Variants in HDAC2 observed in about 807,000 individuals in gnomAD.
The protein encoded by HDAC2 is YY1-associated factor 1.
Under a neutral mutation model 68.5 loss-of-function variants are expected in HDAC2, and 5 were observed. That is an observed-to-expected ratio of 0.07 (90% CI 0.04 to 0.15). The LOEUF (loss-of-function observed/expected upper bound fraction) is 0.15, where lower values mean the gene tolerates loss of function less well. Among genes scored for constraint, HDAC2 ranks in the 10% least tolerant of loss-of-function variants. HDAC2 has a pLI of 1.00. For missense variants in HDAC2, 291 were observed against 600.8 expected (o/e 0.48, Z 5.39); for synonymous variants, 182 against 191.3 (o/e 0.95, Z 0.40).
At chr6:113,953,704 A>C (rs750898393) in intron 5 of HDAC2, among the ~76,000 whole-genome samples, 48 of 152,342 alleles carry the variant, frequency 3.2e-4, no homozygotes, top group Non-Finnish European at 6.0e-4. Context: ...TATATTAAAA[A>C]CTGAAGATTA....
In HDAC2 at chr6:113,939,493, T is replaced by C. The variant is rs924053574; in HGVS notation, c.*1565A>G. On this transcript the variant is annotated 3_prime_UTR_variant, in exon 14 of 14. Coordinates refer to ENST00000519065, the MANE Select transcript of HDAC2 (RefSeq NM_001527.4). The stretch of plus-strand genomic sequence containing the variant: ...AAAGTTACAGAATTGTCCAAATACA[T>C]ACCATCTATGTTTCACAAACACTAA... 3.9e-5 allele frequency: 6 copies of C among 152,200 alleles called. No individual in the cohort carries two copies. Among genetic ancestry groups the C allele is most frequent in the African/African-American group, 1.4e-4 (6 of 41,458 alleles). 9.4% of individuals were successfully genotyped at this position (152,200 alleles called of 1,614,324 possible).
intron 5 of HDAC2, among the ~76,000 whole-genome samples, chr6:113,954,632 T>C (rs1462925726): frequency 6.6e-6 from 1 of 152,188 alleles, no homozygotes; most frequent in East Asian, 1.9e-4. Context: ...ACAAGGCAAA[T>C]GATTGCAAAT....
At chr6:113,944,179 G>A in intron 11 of HDAC2, 101 bp downstream of exon 11, 4 of 1,009,428 alleles carry the variant, frequency 4.0e-6, no homozygotes, top group South Asian at 2.7e-5. Flanking sequence ...TATTAACAGT[G>A]TGCTCGTGAA....
Position 113,945,457 on chromosome 6 carries a change from AT to A in HDAC2, c.995del (p.Asn332MetfsTer20). On this transcript the variant is annotated frameshift_variant, in exon 10 of 14. Transcript: ENST00000519065. LOFTEE classifies it high-confidence loss of function. Reference sequence around the variant, plus strand: ...CTGGTCCAAAATACTCAAAGTAATCATTATATGGCAACTCTAATGAAAACAA... The same window carrying A: ...CTGGTCCAAAATACTCAAAGTAATCATATATGGCAACTCTAATGAAAACAA... The part of the protein sequence containing the change: ...DCEIPNELPY[N>X]DYFEYFGPDF... 3 of 1,470,012 alleles carry A rather than the reference AT, an allele frequency of 2.0e-6. No individual in the cohort carries two copies. The highest frequency in any genetic ancestry group is 2.9e-6 in the Non-Finnish European group (3 of 1,050,374). 91.1% of individuals were successfully genotyped at this position (1,470,012 alleles called of 1,614,324 possible). A position where few individuals can be genotyped will look rare whatever the true frequency, so the allele number is the denominator to read the frequency against.
intron 1 of HDAC2, among the ~76,000 whole-genome samples, chr6:113,966,473 A>G (rs1251294185): frequency 6.6e-6 from 1 of 150,916 alleles, no homozygotes; most frequent in Non-Finnish European, 1.5e-5. Flanking sequence ...AATCACTTGA[A>G]CCCGGGAGGG....
At chr6:113,962,663 G>T (rs144258307) in intron 1 of HDAC2, among the ~76,000 whole-genome samples, 693 of 152,152 alleles carry the variant, frequency 4.6e-3, no homozygotes, top group Non-Finnish European at 7.4e-3. Flanking sequence ...TAATTTTTTG[G>T]TTTACCAAGA....
chr6:113,955,941 A>G (rs1776543178), intron 5 of HDAC2, 72 bp downstream of exon 5: 2 of 1,144,924 alleles, frequency 1.7e-6, no homozygotes, highest in Non-Finnish European at 2.4e-6. Context: ...TTTTAAAGCC[A>G]TAGACTTTAT....
Position 113,971,014 on chromosome 6 carries a change from G to T in HDAC2, c.-106C>A. 6.3e-7 allele frequency: 1 copy of T among 1,577,210 alleles called. No homozygotes were observed. Among genetic ancestry groups the T allele is most frequent in the Non-Finnish European group, 8.6e-7 (1 of 1,160,994 alleles). On this transcript the variant is annotated 5_prime_UTR_variant, in exon 1 of 14. Coordinates refer to ENST00000519065, the MANE Select transcript of HDAC2 (RefSeq NM_001527.4). ...AGAGAAAAGGGCTGAGGGAAACGTG[G>T]GGGCGATAGTCCCGCGGGGAAGGGC... is the stretch of plus-strand genomic sequence containing the variant.
At chr6:113,941,445 T>C (rs1045274171) in intron 13 of HDAC2, among the ~76,000 whole-genome samples, 2 of 152,068 alleles carry the variant, frequency 1.3e-5, no homozygotes, top group African/African-American at 4.8e-5. Flanking sequence ...TAAGTGCATA[T>C]ATAAAAGATA....
At chr6:113,967,713 A>G (rs2114623913) in intron 1 of HDAC2, among the ~76,000 whole-genome samples, 1 of 152,370 alleles carries the variant, frequency 6.6e-6, no homozygotes, top group Non-Finnish European at 1.5e-5. Flanking sequence ...GTATAACTAG[A>G]GCCTAACACA....
Position 113,949,500 on chromosome 6 carries a change from G to A in HDAC2, c.640-240C>T, listed in dbSNP as rs528640404. Among the ~76,000 whole-genome samples the A allele has an allele frequency of 2.8e-5, 4 of 140,416 alleles. No individual in the cohort carries two copies. In the East Asian group the frequency reaches 8.5e-4, roughly 30 times the overall value. 92.1% of individuals were successfully genotyped at this position (140,416 alleles called of 152,430 possible). ...TACAAGAACCATTTTCAATTAATCT[G>A]TAGTGATTATTTTTGACAGAAAAGA... On this transcript the variant is annotated intron_variant, in intron 6 of 13. Coordinates refer to ENST00000519065, the MANE Select transcript of HDAC2 (RefSeq NM_001527.4).
intron 3 of HDAC2, chr6:113,956,926 T>C (rs1001025925): frequency 4.8e-6 from 2 of 419,970 alleles, no homozygotes; most frequent in Admixed American, 3.8e-5. Context: ...CTGTGGAATA[T>C]TTCTGTCTAT....
At chr6:113,963,939 C>T (rs1776751105) in intron 1 of HDAC2, among the ~76,000 whole-genome samples, 1 of 152,162 alleles carries the variant, frequency 6.6e-6, no homozygotes, top group South Asian at 2.1e-4. Context: ...CATATTCCTT[C>T]AAATTAGATA....
Position 113,961,388 on chromosome 6 carries a change from C to T in HDAC2, c.53-1370G>A, listed in dbSNP as rs142813944. 2.2e-3 allele frequency among the ~76,000 whole-genome samples: 330 copies of T among 152,182 alleles called. 2 individuals are homozygous for T. The highest frequency in any genetic ancestry group is 7.7e-3 in the African/African-American group (320 of 41,554). ...AATACTTGATTTTGTTGGTATCACA[C>T]CTCTAATTTTAGTTAACTTCATTTT... On this transcript the variant is annotated intron_variant, in intron 1 of 13. Transcript: ENST00000519065.
chr6:113,967,443 T>C (rs906260249), intron 1 of HDAC2, among the ~76,000 whole-genome samples: 3 of 152,180 alleles, frequency 2.0e-5, no homozygotes, highest in Non-Finnish European at 4.4e-5. Flanking sequence ...CTTGATAACT[T>C]TTGTATTTAT....
chr6:113,957,166 C>T (rs1192715273), intron 3 of HDAC2: 2 of 154,076 alleles, frequency 1.3e-5, no homozygotes, highest in African/African-American at 2.4e-5. Flanking sequence ...CAGCTGGTTG[C>T]CTATTCCCAT....
In HDAC2 at chr6:113,936,635, G is replaced by A. The variant is rs1776004788; in HGVS notation, c.*4423C>T. The stretch of plus-strand genomic sequence containing the variant: ...GATACAACCCATCTGGCATCTAAAG[G>A]AACACTCAAAAATTTAACACTTCCC... On this transcript the variant is annotated 3_prime_UTR_variant, in exon 14 of 14. Coordinates refer to ENST00000519065, the MANE Select transcript of HDAC2 (RefSeq NM_001527.4). 1 of 152,148 alleles carries A rather than the reference G, an allele frequency of 6.6e-6. No homozygotes were observed. The highest frequency in any genetic ancestry group is 1.5e-5 in the Non-Finnish European group (1 of 68,082). The allele number at this position is 152,148 out of a possible 1,614,324, so 9.4% of individuals were successfully genotyped here. A position where few individuals can be genotyped will look rare whatever the true frequency, so the allele number is the denominator to read the frequency against.
intron 1 of HDAC2, among the ~76,000 whole-genome samples, chr6:113,960,915 C>A (rs1456632859): frequency 7.2e-5 from 11 of 152,016 alleles, no homozygotes; most frequent in Non-Finnish European, 4.4e-5. Context: ...TCCTTGTAAT[C>A]TTCCCCTAAA....
chr6:113,965,520 C>T (rs1165434837), intron 1 of HDAC2, among the ~76,000 whole-genome samples: 1 of 152,162 alleles, frequency 6.6e-6, no homozygotes, highest in Non-Finnish European at 1.5e-5. Flanking sequence ...AGGCACCCGT[C>T]ACCATGCCCA....
Sources: gnomAD v4.1 joint callset for allele counts (sites outside exome capture counted in the v4.1 genomes callset) on GRCh38, gnomAD v4.1.1 for gene constraint, MANE v1.5 for transcripts, NCBI Gene and HGNC (gene_info 2026-07-23, HGNC 2026-07-21) for gene names.